Variants in CNBD1 observed in about 807,000 individuals in gnomAD.
CNBD1 encodes the protein cyclic nucleotide binding domain containing 1, also known as cyclic nucleotide-binding domain-containing protein 1.
In CNBD1, 71 loss-of-function variants were observed where a neutral mutation model predicts 54.4. That is an observed-to-expected ratio of 1.30 (90% CI 1.08 to 1.59). The LOEUF is 1.59. CNBD1 is among the 40% of genes most tolerant of loss of function. The pLI is 0.00. For synonymous variants in CNBD1, 182 were observed against 170.7 expected (o/e 1.07, Z -0.51); for missense variants, 659 against 518.0 (o/e 1.27, Z -2.64).
intron 4 of CNBD1, among the ~76,000 whole-genome samples, chr8:86,983,682 A>G (rs1415246708): frequency 1.3e-5 from 2 of 152,172 alleles, no homozygotes; most frequent in African/African-American, 4.8e-5. Context: ...GACTGGTGAT[A>G]TTTTGTACCT....
chr8:86,953,449 C>T (rs985845621), intron 4 of CNBD1, among the ~76,000 whole-genome samples: 1 of 152,086 alleles, frequency 6.6e-6, no homozygotes, highest in Non-Finnish European at 1.5e-5. Flanking sequence ...ACACAATAAC[C>T]CTAATTATGA....
intron 6 of CNBD1, among the ~76,000 whole-genome samples, chr8:87,276,779 T>C (rs1808489144): frequency 6.6e-6 from 1 of 151,840 alleles, no homozygotes; most frequent in Admixed American, 6.6e-5. Flanking sequence ...AGACATGTCC[T>C]GCTGCTTTTC....
At chr8:86,916,676 C>T (rs1036420665) in intron 3 of CNBD1, among the ~76,000 whole-genome samples, 8 of 151,906 alleles carry the variant, frequency 5.3e-5, no homozygotes, top group Non-Finnish European at 8.8e-5. Context: ...CTGCCTTTCT[C>T]TGGTGCTGGC....
chr8:87,106,416 G>A (rs1173346920), intron 4 of CNBD1, among the ~76,000 whole-genome samples: 1 of 152,084 alleles, frequency 6.6e-6, no homozygotes, highest in African/African-American at 2.4e-5. Context: ...TCACCAAGCA[G>A]GACAGGCTGG....
chr8:87,144,540 T>C (rs1267758940), intron 4 of CNBD1, among the ~76,000 whole-genome samples: 2 of 152,004 alleles, frequency 1.3e-5, no homozygotes, highest in African/African-American at 4.8e-5. Flanking sequence ...AATAGAAATT[T>C]TAGATGCAAA....
intron 4 of CNBD1, among the ~76,000 whole-genome samples, chr8:87,070,900 G>A (rs1210407714): frequency 2.0e-5 from 3 of 151,946 alleles, no homozygotes; most frequent in Non-Finnish European, 4.4e-5. Flanking sequence ...CACATCCCTA[G>A]TTTTTATTAT....
At chr8:86,949,793 A>G (rs1023067107) in intron 4 of CNBD1, among the ~76,000 whole-genome samples, 1 of 151,724 alleles carries the variant, frequency 6.6e-6, no homozygotes, top group Non-Finnish European at 1.5e-5. Context: ...GTCATGTTCC[A>G]GATCTTAGAG....
intron 4 of CNBD1, among the ~76,000 whole-genome samples, chr8:87,130,870 T>A (rs1812104415): frequency 6.6e-6 from 1 of 152,036 alleles, no homozygotes; most frequent in South Asian, 2.1e-4. Flanking sequence ...ATTTTGTCCA[T>A]TTTTTTGTTT....
intron 5 of CNBD1, among the ~76,000 whole-genome samples, chr8:87,219,449 A>G (rs1462696529): frequency 6.6e-6 from 1 of 151,982 alleles, no homozygotes; most frequent in Admixed American, 6.6e-5. Context: ...AATACCCTTC[A>G]AGACAAATTA....
chr8:87,384,290 A>G (rs983381689), downstream of CNBD1, among the ~76,000 whole-genome samples: 2 of 152,100 alleles, frequency 1.3e-5, no homozygotes, highest in Non-Finnish European at 2.9e-5. Flanking sequence ...CATATGTGAC[A>G]GGCACTCTTC....
At chr8:86,972,873 T>C (rs968484744) in intron 4 of CNBD1, among the ~76,000 whole-genome samples, 1 of 152,216 alleles carries the variant, frequency 6.6e-6, no homozygotes, top group Non-Finnish European at 1.5e-5. Context: ...CTTCTGCAAC[T>C]GTAGCCCTCT....
chr8:87,202,905 T>A (rs1029983573), intron 4 of CNBD1, among the ~76,000 whole-genome samples: 1 of 152,054 alleles, frequency 6.6e-6, no homozygotes, highest in African/African-American at 2.4e-5. Context: ...CAGTCTGGTG[T>A]GGGGAGGGCA....
chr8:87,106,438 T>C (rs2130699124), intron 4 of CNBD1, among the ~76,000 whole-genome samples: 1 of 152,314 alleles, frequency 6.6e-6, no homozygotes, highest in Middle Eastern at 3.4e-3. Flanking sequence ...CTAGAACTCC[T>C]GACTTCAAGT....
At chr8:86,959,881 C>T (rs1000319465) in intron 4 of CNBD1, among the ~76,000 whole-genome samples, 2 of 152,170 alleles carry the variant, frequency 1.3e-5, no homozygotes, top group Admixed American at 1.3e-4. Flanking sequence ...CTCCATCTAG[C>T]TGTGTTCCGT....
intron 10 of CNBD1, among the ~76,000 whole-genome samples, chr8:87,370,546 T>G (rs1810759748): frequency 6.6e-6 from 1 of 152,186 alleles, no homozygotes; most frequent in African/African-American, 2.4e-5. Flanking sequence ...TGTCTGTTCA[T>G]GTCCTTTGCC....
At chr8:87,358,287 G>A (rs1312583584) in intron 10 of CNBD1, among the ~76,000 whole-genome samples, 1 of 152,046 alleles carries the variant, frequency 6.6e-6, no homozygotes, top group Non-Finnish European at 1.5e-5. Flanking sequence ...AAATTCATAT[G>A]TCTAATTTTA....
chr8:87,072,757 A>T (rs1297505690), intron 4 of CNBD1, among the ~76,000 whole-genome samples: 1 of 148,254 alleles, frequency 6.7e-6, no homozygotes, highest in Non-Finnish European at 1.5e-5. Flanking sequence ...TTTCCATTTG[A>T]CCTTGGGGAA....
intron 4 of CNBD1, among the ~76,000 whole-genome samples, chr8:87,138,121 A>C (rs1294795012): frequency 6.6e-6 from 1 of 152,172 alleles, no homozygotes; most frequent in African/African-American, 2.4e-5. Context: ...AAGGCACAAA[A>C]GTCCTGTTTT....
intron 10 of CNBD1, among the ~76,000 whole-genome samples, chr8:87,365,199 A>G (rs1810618513): frequency 6.6e-6 from 1 of 151,912 alleles, no homozygotes; most frequent in African/African-American, 2.4e-5. Flanking sequence ...GGCTATTCTG[A>G]CTGATGTGAT....
Sources: gnomAD v4.1 joint callset for allele counts (sites outside exome capture counted in the v4.1 genomes callset) on GRCh38, gnomAD v4.1.1 for gene constraint, MANE v1.5 for transcripts, NCBI Gene and HGNC (gene_info 2026-07-23, HGNC 2026-07-21) for gene names.